SRBD1: variants seen among roughly 807,000 people sequenced by gnomAD.
SRBD1 encodes the protein S1 RNA binding domain 1, also known as S1 RNA-binding domain-containing protein 1.
SRBD1 carries 88 observed loss-of-function variants against 115.3 expected under a neutral mutation model. That is an observed-to-expected ratio of 0.76 (90% confidence interval 0.64 to 0.91). The LOEUF is 0.91. Ranked by LOEUF, SRBD1 falls within the 40% of genes least tolerant of loss-of-function variation. The pLI, the probability that SRBD1 is intolerant of heterozygous loss-of-function variation, is 0.00. For synonymous variants in SRBD1, 509 were observed against 407.7 expected (o/e 1.25, Z -2.99); for missense variants, 1,385 against 1,177.4 (o/e 1.18, Z -2.58).
At chr2:45,488,354 A>C in intron 14 of SRBD1, 23 bp from the exon 15 acceptor site, 2 of 1,601,236 alleles carry the variant, frequency 1.2e-6, no homozygotes, top group Non-Finnish European at 1.7e-6. Flanking sequence ...AAAAAGGGGA[A>C]TATCACTTTC....
chr2:45,450,430 T>C (rs947138675), intron 16 of SRBD1, among the ~76,000 whole-genome samples: 6 of 152,152 alleles, frequency 3.9e-5, no homozygotes, highest in Admixed American at 3.3e-4. Context: ...TTTCACATAA[T>C]GAATCTACAG....
intron 10 of SRBD1, among the ~76,000 whole-genome samples, chr2:45,558,902 G>C (rs1199112125): frequency 6.6e-6 from 1 of 151,766 alleles, no homozygotes; most frequent in Non-Finnish European, 1.5e-5. Context: ...ATGTTGGTCA[G>C]GTTGGTCTCA....
At chr2:45,516,936 G>C (rs368741304) in intron 14 of SRBD1, among the ~76,000 whole-genome samples, 19 of 152,156 alleles carry the variant, frequency 1.2e-4, no homozygotes, top group African/African-American at 3.9e-4. Flanking sequence ...GGATACATCA[G>C]TAAATAAATA....
chr2:45,591,558 T>C (rs757963403), intron 4 of SRBD1, among the ~76,000 whole-genome samples: 1 of 152,174 alleles, frequency 6.6e-6, no homozygotes, highest in African/African-American at 2.4e-5. Flanking sequence ...CAGTTACATG[T>C]ACAAGGAGTG....
chr2:45,430,582 G>C (rs2103672417), intron 16 of SRBD1, among the ~76,000 whole-genome samples: 1 of 152,272 alleles, frequency 6.6e-6, no homozygotes, highest in South Asian at 2.1e-4. Flanking sequence ...GGGAAAACTG[G>C]CTAGCCATAT....
At chr2:45,421,339 C>T (rs6708128) in intron 16 of SRBD1, among the ~76,000 whole-genome samples, 6 of 151,618 alleles carry the variant, frequency 4.0e-5, no homozygotes, top group Non-Finnish European at 8.8e-5. Context: ...AACCCTGTCT[C>T]TACTAAAAAT....
At chr2:45,442,428 G>A (rs932077324) in intron 16 of SRBD1, among the ~76,000 whole-genome samples, 60 of 152,104 alleles carry the variant, frequency 3.9e-4, no homozygotes, top group African/African-American at 1.4e-3. Flanking sequence ...AATATCTCCC[G>A]TTCTGGGAGA....
At chr2:45,583,757 A>G (rs1673433280) in intron 5 of SRBD1, among the ~76,000 whole-genome samples, 1 of 152,182 alleles carries the variant, frequency 6.6e-6, no homozygotes, top group South Asian at 2.1e-4. Flanking sequence ...ATATCTCATT[A>G]CCAGAAAGAA....
At chr2:45,584,116 C>T (rs1240344288) in intron 5 of SRBD1, among the ~76,000 whole-genome samples, 2 of 152,130 alleles carry the variant, frequency 1.3e-5, no homozygotes, top group African/African-American at 2.4e-5. Context: ...TCAGAATTTG[C>T]AAACTGCTGG....
chr2:45,499,040 T>C lies in SRBD1; in HGVS notation c.1875-10709A>G, dbSNP rs959616652. 7.9e-5 allele frequency among the ~76,000 whole-genome samples: 12 copies of C among 152,144 alleles called. 1 individual carries two copies. The highest frequency in any genetic ancestry group is 2.2e-4 in the African/African-American group (9 of 41,446). Reference sequence around the variant, plus strand: ...GTGGGATTGCTGACTTATATGGCAGTTCTATTTTTAGTTTTTTTTAGGGAA... The same window carrying C: ...GTGGGATTGCTGACTTATATGGCAGCTCTATTTTTAGTTTTTTTTAGGGAA... On this transcript the variant is annotated intron_variant, in intron 14 of 20. Coordinates refer to ENST00000263736, the MANE Select transcript of SRBD1 (RefSeq NM_018079.5).
At chr2:45,541,064 T>G (rs1428148115) in intron 14 of SRBD1, among the ~76,000 whole-genome samples, 7 of 152,214 alleles carry the variant, frequency 4.6e-5, no homozygotes, top group Non-Finnish European at 1.0e-4. Flanking sequence ...GGCCCAGATC[T>G]CACCCTGCCA....
chr2:45,444,673 T>C (rs1459911335), intron 16 of SRBD1, among the ~76,000 whole-genome samples: 1 of 152,198 alleles, frequency 6.6e-6, no homozygotes, highest in Non-Finnish European at 1.5e-5. Context: ...CACATACATA[T>C]GTTAGTTGGC....
chr2:45,556,773 T>A (rs1672491925), intron 10 of SRBD1, among the ~76,000 whole-genome samples: 1 of 152,118 alleles, frequency 6.6e-6, no homozygotes, highest in Admixed American at 6.6e-5. Context: ...TTGCTCTATG[T>A]TCATGGTGGA....
intron 10 of SRBD1, among the ~76,000 whole-genome samples, chr2:45,559,619 G>A (rs145178815): frequency 1.3e-4 from 20 of 152,110 alleles, no homozygotes; most frequent in African/African-American, 4.6e-4. Flanking sequence ...AGAAGAGGGT[G>A]AAGAAATAGG....
chr2:45,461,284 T>C (rs1669308096), intron 16 of SRBD1, among the ~76,000 whole-genome samples: 2 of 152,342 alleles, frequency 1.3e-5, no homozygotes, highest in South Asian at 4.1e-4. Flanking sequence ...CCTTAATTGT[T>C]GGCAGTTAAA....
At chr2:45,522,393 A>C (rs1461392985) in intron 14 of SRBD1, among the ~76,000 whole-genome samples, 2 of 152,080 alleles carry the variant, frequency 1.3e-5, no homozygotes, top group Admixed American at 6.5e-5. Context: ...GCGAGAGCTA[A>C]TCTAGAGCTC....
chr2:45,477,012 A>G lies in SRBD1; in HGVS notation c.2030T>C (p.Ile677Thr), dbSNP rs773250641. The G allele has an allele frequency of 1.9e-6, 3 of 1,613,708 alleles. No homozygotes were observed. The highest frequency in any genetic ancestry group is 2.5e-6 in the Non-Finnish European group (3 of 1,179,864). ...CTTTACCTGATACATTCCAACTCCA[A>G]TGTGCTTTGGCTCAATTTTCACTAG... Reference protein sequence around the residue: ...AELVKIEPKHIGVGMYQHDVS... With the variant: ...AELVKIEPKHTGVGMYQHDVS... Residue 677 changes from isoleucine (I) to threonine (T), a missense_variant, in exon 16 of 21, where the codon ATT (isoleucine) becomes ACT (threonine). Transcript: ENST00000263736.
intron 14 of SRBD1, among the ~76,000 whole-genome samples, chr2:45,508,687 T>C (rs1235168125): frequency 1.3e-5 from 2 of 152,234 alleles, no homozygotes; most frequent in Non-Finnish European, 2.9e-5. Context: ...ATGTGTGATA[T>C]GCTATGTTGA....
intron 18 of SRBD1, 125 bp from the exon 19 acceptor site, chr2:45,413,418 T>A: frequency 9.0e-7 from 1 of 1,107,958 alleles, no homozygotes; most frequent in East Asian, 2.5e-5. Flanking sequence ...GATTTTGACC[T>A]TTTACTTCAT....
Sources: gnomAD v4.1 joint callset for allele counts (sites outside exome capture counted in the v4.1 genomes callset) on GRCh38, gnomAD v4.1.1 for gene constraint, MANE v1.5 for transcripts, NCBI Gene and HGNC (gene_info 2026-07-23, HGNC 2026-07-21) for gene names.